The following SETBP1 variants were observed in gnomAD, a reference collection of about 807,000 sequenced individuals.
SETBP1 encodes SET binding protein 1.
A neutral mutation model predicts 101.0 loss-of-function variants in SETBP1; 9 were observed. The observed-to-expected ratio is 0.09, with a 90% CI of 0.05 to 0.16. The LOEUF (loss-of-function observed/expected upper bound fraction) is 0.16, where lower values mean the gene tolerates loss of function less well. Ranked by LOEUF, SETBP1 falls within the 10% of genes least tolerant of loss-of-function variation. The pLI is 1.00. For missense variants in SETBP1, 1,858 were observed against 2,033.8 expected (o/e 0.91, Z 1.66); for synonymous variants, 818 against 788.5 (o/e 1.04, Z -0.63).
intron 2 of SETBP1, among the ~76,000 whole-genome samples, chr18:44,753,465 T>G (rs905679774): frequency 6.6e-6 from 1 of 152,220 alleles, no homozygotes; most frequent in Non-Finnish European, 1.5e-5. Context: ...TTGCCTAACC[T>G]TTGACAGACT....
chr18:44,700,847 T>C (rs2069103589), intron 1 of SETBP1, among the ~76,000 whole-genome samples: 1 of 152,192 alleles, frequency 6.6e-6, no homozygotes, highest in Non-Finnish European at 1.5e-5. Context: ...TGATTGGTTT[T>C]AACAGTGACT....
At chr18:45,034,026 T>G (rs2073347780) in intron 4 of SETBP1, among the ~76,000 whole-genome samples, 1 of 152,190 alleles carries the variant, frequency 6.6e-6, no homozygotes, top group Admixed American at 6.6e-5. Flanking sequence ...AACATACAGC[T>G]TCTCTAAGGT....
intron 2 of SETBP1, among the ~76,000 whole-genome samples, chr18:44,819,237 C>T (rs565704427): frequency 3.9e-5 from 6 of 152,226 alleles, no homozygotes; most frequent in South Asian, 4.2e-4. Flanking sequence ...AATCCATCAC[C>T]TGGTTTCCTT....
intron 3 of SETBP1, among the ~76,000 whole-genome samples, chr18:44,882,607 T>G (rs1202261206): frequency 6.6e-6 from 1 of 151,928 alleles, no homozygotes; most frequent in Non-Finnish European, 1.5e-5. Flanking sequence ...TTCCATTGCC[T>G]CCTAGTGAGT....
rs772765053 is a variant in SETBP1 at position 44,949,867 on chromosome 18, C to T, written c.541-14C>T. The T allele has an allele frequency of 6.9e-6, 11 of 1,602,094 alleles. No homozygotes were observed. Among genetic ancestry groups the T allele is most frequent in the South Asian group, 1.1e-5 (1 of 90,842 alleles). ...CTCTCTGTCTCTCTCCCTCTCCACT[C>T]CACCCACCCTTAGGCTTACGAGAGG... On this transcript the variant is annotated splice_polypyrimidine_tract_variant and intron_variant, in intron 3 of 5. Transcript: ENST00000649279.
chr18:44,979,279 C>T (rs1051289300), intron 4 of SETBP1, among the ~76,000 whole-genome samples: 1 of 152,162 alleles, frequency 6.6e-6, no homozygotes, highest in African/African-American at 2.4e-5. Context: ...AAACTGTATT[C>T]CTGGAAGCAG....
In SETBP1 at chr18:44,934,241, T is replaced by G. The variant is rs184793306; in HGVS notation, c.541-15640T>G. ...TCAGCTCACTGCAACCTCCACCTCC[T>G]AGGTTCAAGCGATTCTCCTGCCTCA... is the stretch of plus-strand genomic sequence containing the variant. On this transcript the variant is annotated intron_variant, in intron 3 of 5. Coordinates refer to ENST00000649279, the MANE Select transcript of SETBP1 (RefSeq NM_015559.3). 2.3e-3 allele frequency among the ~76,000 whole-genome samples: 346 copies of G among 151,264 alleles called. 1 individual carries two copies. Among genetic ancestry groups the G allele is most frequent in the African/African-American group, 7.9e-3 (328 of 41,310 alleles).
chr18:44,709,812 A>ATTT (rs35610551), intron 2 of SETBP1, among the ~76,000 whole-genome samples: 53 of 121,564 alleles, frequency 4.4e-4, no homozygotes, highest in South Asian at 3.4e-3. Flanking sequence ...ATCACTAATG[A>ATTT]TTTTTTTTTT....
At chr18:44,707,223 G>C (rs923879868) in intron 2 of SETBP1, among the ~76,000 whole-genome samples, 1 of 152,200 alleles carries the variant, frequency 6.6e-6, no homozygotes, top group Non-Finnish European at 1.5e-5. Context: ...TTTCTGAAAG[G>C]TGAGGATCAC....
chr18:44,933,876 T>C (rs944921665), intron 3 of SETBP1, among the ~76,000 whole-genome samples: 4 of 152,172 alleles, frequency 2.6e-5, no homozygotes, highest in African/African-American at 9.7e-5. Context: ...GGAAAGGAAA[T>C]TCCCCAACCC....
chr18:44,940,657 T>C (rs1177653786), intron 3 of SETBP1, among the ~76,000 whole-genome samples: 1 of 152,242 alleles, frequency 6.6e-6, no homozygotes, highest in Non-Finnish European at 1.5e-5. Flanking sequence ...ATGTACGCTC[T>C]TATTCTTTGT....
intron 2 of SETBP1, among the ~76,000 whole-genome samples, chr18:44,726,483 G>A (rs2069709188): frequency 6.6e-6 from 1 of 152,172 alleles, no homozygotes; most frequent in Admixed American, 6.5e-5. Flanking sequence ...TGAGTTAACT[G>A]GCATGGGGAG....
intron 5 of SETBP1, among the ~76,000 whole-genome samples, chr18:45,045,337 A>C (rs1385511498): frequency 6.6e-6 from 1 of 152,116 alleles, no homozygotes; most frequent in Non-Finnish European, 1.5e-5. Context: ...CAAGAGAATC[A>C]CTTGCACCTG....
At chr18:44,808,730 A>G (rs187774757) in intron 2 of SETBP1, among the ~76,000 whole-genome samples, 133 of 152,302 alleles carry the variant, frequency 8.7e-4, no homozygotes, top group Admixed American at 2.1e-3. Context: ...ATCCAGGCTA[A>G]CATGATTCTT....
chr18:45,040,273 G>T (rs2073482812), intron 5 of SETBP1, among the ~76,000 whole-genome samples: 1 of 152,144 alleles, frequency 6.6e-6, no homozygotes, highest in Non-Finnish European at 1.5e-5. Context: ...AGACAAAGGA[G>T]GGAAAGTCAC....
Position 44,822,594 on chromosome 18 carries a change from T to C in SETBP1, c.487-46636T>C, listed in dbSNP as rs535123379. Among the ~76,000 whole-genome samples the C allele has an allele frequency of 2.6e-5, 4 of 152,354 alleles. No individual in the cohort carries two copies. In the South Asian group the frequency reaches 8.3e-4, roughly 32 times the overall value. On this transcript the variant is annotated intron_variant, in intron 2 of 5. Transcript: ENST00000649279. ...TAGGTTAGAAGTTAGATTGCAACTC[T>C]TTGCAGCTCGTTCTGCTAACCCTAT...
chr18:45,046,790 A>T (rs1210235408), intron 5 of SETBP1, among the ~76,000 whole-genome samples: 2 of 152,340 alleles, frequency 1.3e-5, no homozygotes, highest in Middle Eastern at 3.4e-3. Flanking sequence ...AATTCCCAAA[A>T]CCTTGGGATG....
chr18:44,792,996 G>A (rs1435055840), intron 2 of SETBP1, among the ~76,000 whole-genome samples: 1 of 152,248 alleles, frequency 6.6e-6, no homozygotes, highest in Non-Finnish European at 1.5e-5. Context: ...GAGTGGTCCT[G>A]TTGGATTCTC....
chr18:45,039,651 A>G (rs1256125280), intron 5 of SETBP1, among the ~76,000 whole-genome samples: 1 of 152,244 alleles, frequency 6.6e-6, no homozygotes, highest in Non-Finnish European at 1.5e-5. Flanking sequence ...TTGAATTAAC[A>G]TATTAATGTA....
Sources: allele counts gnomAD v4.1 joint callset (sites outside exome capture counted in the v4.1 genomes callset), GRCh38; gene constraint gnomAD v4.1.1; transcripts MANE v1.5; gene names NCBI Gene and HGNC (gene_info 2026-07-23, HGNC 2026-07-21).